Variants in ESCO1 observed in about 807,000 individuals in gnomAD.
ESCO1 encodes the protein establishment of sister chromatid cohesion N-acetyltransferase 1.
In ESCO1, 33 loss-of-function variants were observed where a neutral mutation model predicts 83.5. The ratio of observed to expected loss-of-function variants is 0.40; its 90% CI spans 0.30 to 0.53. The LOEUF is 0.53. ESCO1 is among the 20% of genes least tolerant of loss of function. The pLI is 0.63. For synonymous variants in ESCO1, 332 were observed against 324.3 expected (o/e 1.02, Z -0.25); for missense variants, 855 against 968.0 (o/e 0.88, Z 1.55).
In ESCO1 at chr18:21,573,546, A is replaced by C; in HGVS notation, c.1298T>G (p.Val433Gly). The change falls in exon 4 of 12, where the codon GTG (valine) becomes GGG (glycine). Residue 433 changes from valine (V) to glycine (G), a missense_variant. Val to Gly is a moderately radical substitution (Grantham distance 109). Coordinates refer to ENST00000269214, the MANE Select transcript of ESCO1 (RefSeq NM_052911.3). Reference protein sequence around the residue: ...SPPALEMHHPVTQSTFLGTKL... With the variant: ...SPPALEMHHPGTQSTFLGTKL... ...TGTCCCTAAAAACGTACTTTGAGTC[A>C]CTGGATGATGCATTTCTAAAGCTGG... is the stretch of plus-strand genomic sequence containing the variant. 1 of 1,614,080 alleles carries C rather than the reference A, an allele frequency of 6.2e-7. No homozygotes were observed. The highest frequency in any genetic ancestry group is 1.7e-4 in the Middle Eastern group (1 of 6,060).
intron 2 of ESCO1, among the ~76,000 whole-genome samples, chr18:21,581,040 G>A (rs943524676): frequency 6.6e-6 from 1 of 151,644 alleles, no homozygotes; most frequent in Non-Finnish European, 1.5e-5. Flanking sequence ...GGCCGGGTGC[G>A]GAGGCTCACA....
intron 8 of ESCO1, among the ~76,000 whole-genome samples, chr18:21,547,665 A>T (rs754689592): frequency 6.6e-6 from 1 of 152,172 alleles, no homozygotes; most frequent in African/African-American, 2.4e-5. Flanking sequence ...ATATTTCTTA[A>T]TTCTCAAAAA....
intron 2 of ESCO1, among the ~76,000 whole-genome samples, chr18:21,580,599 CCAAA>C (rs1443930160): frequency 6.6e-6 from 1 of 151,902 alleles, no homozygotes; most frequent in Non-Finnish European, 1.5e-5. Flanking sequence ...AGTTTAGAAA[CCAAA>C]CAAAAAAATG....
chr18:21,574,045 G>C lies in ESCO1; in HGVS notation c.799C>G (p.His267Asp), dbSNP rs758494871. Residue 267 changes from histidine to aspartate, a missense_variant, in exon 4 of 12, where the codon CAT becomes GAT. Around this residue, in one of 2 missense-constraint regions of ESCO1, gnomAD observed 726 missense variants for 699.5 expected, o/e 1.04. Transcript: ENST00000269214. ...PKKNEMKKSV[H>D]TQVNTNTTLP... The stretch of plus-strand genomic sequence containing the variant: ...GTTGTGTTAGTATTCACTTGTGTAT[G>C]AACCGACTTCTTCATCTCATTCTTT... The C allele has an allele frequency of 6.2e-7, 1 of 1,612,804 alleles. No individual in the cohort carries two copies. Among genetic ancestry groups the C allele is most frequent in the Non-Finnish European group, 8.5e-7 (1 of 1,179,990 alleles).
Position 21,568,062 on chromosome 18 carries a change from T to C in ESCO1, c.1563A>G (p.Glu521=). 6.2e-7 allele frequency: 1 copy of C among 1,613,940 alleles called. No homozygotes were observed. The highest frequency in any genetic ancestry group is 1.3e-5 in the African/African-American group (1 of 75,058). The change falls in exon 5 of 12, where the codon GAA becomes GAG. Residue 521 remains glutamate, a synonymous_variant. Transcript: ENST00000269214. The part of the protein sequence containing the change: ...NFSQCLESKL[E]NSPVENVTAA... Reference sequence around the variant, plus strand: ...CAGTAACATTTTCCACTGGACTGTTTTCTAGCTTGGATTCCAAACATTGGC... The same window carrying C: ...CAGTAACATTTTCCACTGGACTGTTCTCTAGCTTGGATTCCAAACATTGGC...
intron 1 of ESCO1, among the ~76,000 whole-genome samples, chr18:21,592,505 G>A (rs2038690002): frequency 6.8e-6 from 1 of 147,348 alleles, no homozygotes; most frequent in Non-Finnish European, 1.5e-5. Context: ...GGGGCGGCCG[G>A]GCAGAGGCGC....
At position 21,574,789 on chromosome 18, in the gene ESCO1, T is replaced by A; in HGVS notation, c.55A>T (p.Ser19Cys). Residue 19 changes from serine to cysteine, a missense_variant, in exon 4 of 12, where the codon AGT becomes TGT. Ser to Cys is a moderately radical substitution (Grantham distance 112, BLOSUM62 -1). This residue lies in a region of ESCO1 where 726 missense variants were observed against 699.5 expected (regional missense o/e 1.04). Transcript: ENST00000269214. ...TCTGTTTCTGAATTCTTATCGTCAC[T>A]TTTTTTAGTAACTTTGGAGGAATTC... ...KENSSKVTKK[S>C]DDKNSETEIQ... The A allele has an allele frequency of 6.2e-7, 1 of 1,600,496 alleles. No homozygotes were observed. Among genetic ancestry groups the A allele is most frequent in the Non-Finnish European group, 8.5e-7 (1 of 1,179,064 alleles).
At chr18:21,533,729 G>A (rs1433538062) in intron 10 of ESCO1, among the ~76,000 whole-genome samples, 1 of 151,908 alleles carries the variant, frequency 6.6e-6, no homozygotes, top group African/African-American at 2.4e-5. Flanking sequence ...ACAATAGTTC[G>A]CACTATGTAA....
rs777630800 is a variant in ESCO1 at position 21,532,629 on chromosome 18, A to C, written c.2219T>G (p.Val740Gly). 9 of 1,614,090 alleles carry C rather than the reference A, an allele frequency of 5.6e-6. No homozygotes were observed. The highest frequency in any genetic ancestry group is 7.6e-6 in the Non-Finnish European group (9 of 1,179,996). ...GYRVIEEKLPVIRSEEEKVRF... is the reference protein window; with the variant it reads ...GYRVIEEKLPGIRSEEEKVRF... ...GACTTTTTCTTCTTCTGACCTGATA[A>C]CTGGAAGTTTCTCTTCTATAACTCT... is the stretch of plus-strand genomic sequence containing the variant. The change falls in exon 11 of 12, where the codon GTT (valine) becomes GGT (glycine). Residue 740 changes from valine (V) to glycine (G), a missense_variant. Physicochemically the swap from Val to Gly is moderately radical, Grantham distance 109. This residue lies in a region of ESCO1 where 129 missense variants were observed against 268.5 expected (regional missense o/e 0.48). Coordinates refer to ENST00000269214, the MANE Select transcript of ESCO1 (RefSeq NM_052911.3).
At chr18:21,585,133 T>TC in intron 1 of ESCO1, among the ~76,000 whole-genome samples, 1 of 65,634 alleles carries the variant, frequency 1.5e-5, no homozygotes, top group South Asian at 7.8e-4. Context: ...AGAGCAGGAC[T>TC]CCATCTCAAA....
chr18:21,540,385 T>C (rs1484737284), intron 8 of ESCO1, among the ~76,000 whole-genome samples: 2 of 152,188 alleles, frequency 1.3e-5, no homozygotes, highest in Admixed American at 6.5e-5. Context: ...AATTAAACTC[T>C]TATATTTCAT....
chr18:21,588,916 A>G (rs2038620971), intron 1 of ESCO1, among the ~76,000 whole-genome samples: 1 of 151,990 alleles, frequency 6.6e-6, no homozygotes, highest in Non-Finnish European at 1.5e-5. Context: ...TAAATAGGAT[A>G]CAGAGATGAT....
intron 1 of ESCO1, among the ~76,000 whole-genome samples, chr18:21,595,039 G>T (rs35552334): frequency 6.6e-6 from 1 of 151,364 alleles, no homozygotes; most frequent in South Asian, 2.1e-4. Flanking sequence ...TAGAGACGGG[G>T]TTTCGCCATG....
At chr18:21,536,013 T>C in intron 10 of ESCO1, 29 bp downstream of exon 10, 2 of 1,605,116 alleles carry the variant, frequency 1.2e-6, no homozygotes, top group Non-Finnish European at 1.7e-6. Context: ...AAACACCAAA[T>C]TACTTAAGAA....
intron 11 of ESCO1, among the ~76,000 whole-genome samples, chr18:21,531,943 A>G (rs892892959): frequency 1.3e-5 from 2 of 150,080 alleles, no homozygotes; most frequent in East Asian, 3.9e-4. Flanking sequence ...CCTCTTTTGA[A>G]TAATTAATTT....
chr18:21,569,460 G>A (rs4800799), intron 4 of ESCO1, among the ~76,000 whole-genome samples: 73,565 of 151,836 alleles, frequency 0.48, 21,216 homozygotes, highest in Non-Finnish European at 0.65. Context: ...TTAGCTGGGC[G>A]TGAGGCCGGG....
intron 9 of ESCO1, among the ~76,000 whole-genome samples, chr18:21,538,766 T>A (rs1325237849): frequency 2.0e-5 from 3 of 152,130 alleles, no homozygotes; most frequent in Admixed American, 2.0e-4. Context: ...TGGGACACAC[T>A]CTAGTATAAT....
intron 2 of ESCO1, among the ~76,000 whole-genome samples, chr18:21,578,430 A>G (rs1030628616): frequency 9.2e-5 from 14 of 152,276 alleles, no homozygotes; most frequent in African/African-American, 3.4e-4. Context: ...TAAGAAAATT[A>G]GAGGACGAGC....
rs200593486 is a variant in ESCO1 at position 21,535,993 on chromosome 18, T to C, written c.2187+49A>G. On this transcript the variant is annotated intron_variant, in intron 10 of 11. Transcript: ENST00000269214. ...ATTTATGTTATTTGGGATTACGTTG[T>C]AAACTCATTAAACACCAAATTACTT... The C allele has an allele frequency of 9.6e-5, 153 of 1,593,908 alleles. 1 individual carries two copies. In the African/African-American group the frequency reaches 1.8e-3, roughly 19 times the overall value.
Sources: gnomAD v4.1 joint callset for allele counts (sites outside exome capture counted in the v4.1 genomes callset) on GRCh38, gnomAD v4.1.1 for gene constraint, gnomAD v4.1.1 regional missense constraint, MANE v1.5 for transcripts, NCBI Gene and HGNC (gene_info 2026-07-23, HGNC 2026-07-21) for gene names.